Variants in SLC35G2 observed in about 807,000 individuals in gnomAD.
SLC35G2 encodes solute carrier family 35 member G2.
SLC35G2 carries 20 observed loss-of-function variants against 27.2 expected under a neutral mutation model. That is an observed-to-expected ratio of 0.74 (90% CI 0.52 to 1.07). The LOEUF is 1.07. Among genes scored for constraint, SLC35G2 ranks in the 50% least tolerant of loss-of-function variants. The pLI is 0.00. For missense variants in SLC35G2, 416 were observed against 493.3 expected, an observed-to-expected ratio of 0.84 and a Z score of 1.48; for synonymous variants, 148 against 165.3, an observed-to-expected ratio of 0.90 and a Z score of 0.80.
At position 136,855,868 on chromosome 3, in the gene SLC35G2, T is replaced by A; in HGVS notation, c.*169T>A. 1 of 535,428 alleles carries A rather than the reference T, an allele frequency of 1.9e-6. No individual in the cohort carries two copies. Among genetic ancestry groups the A allele is most frequent in the East Asian group, 3.2e-5 (1 of 31,106 alleles). 33.2% of individuals were successfully genotyped at this position (535,428 alleles called of 1,614,324 possible). On this transcript the variant is annotated 3_prime_UTR_variant, in exon 2 of 2. Transcript: ENST00000446465. ...AGTCTAATATATTCAAATACAAATA[T>A]TAAATATATGAAATACGTTATGAAT...
At chr3:136,824,033 C>T (rs1936524522) in intron 1 of SLC35G2, among the ~76,000 whole-genome samples, 1 of 152,056 alleles carries the variant, frequency 6.6e-6, no homozygotes, top group South Asian at 2.1e-4. Context: ...TTTACTGTAG[C>T]TGTATGGATT....
intron 1 of SLC35G2, among the ~76,000 whole-genome samples, chr3:136,824,813 A>G (rs1276446505): frequency 6.6e-6 from 1 of 152,126 alleles, no homozygotes; most frequent in Non-Finnish European, 1.5e-5. Context: ...GGTTTGTTAC[A>G]TAGGTATACA....
At chr3:136,832,952 C>A (rs9880708) in intron 1 of SLC35G2, among the ~76,000 whole-genome samples, 1 of 151,608 alleles carries the variant, frequency 6.6e-6, no homozygotes, top group East Asian at 1.9e-4. Flanking sequence ...GCCTGTAGTC[C>A]CAGCTACTTG....
intron 1 of SLC35G2, among the ~76,000 whole-genome samples, chr3:136,845,753 G>A (rs12491730): frequency 0.68 from 102,653 of 151,170 alleles, 35,099 homozygotes; most frequent in East Asian, 0.87. Flanking sequence ...GCGCCATCAC[G>A]TCTAGCTAAT....
At chr3:136,835,307 C>CTT (rs59937564) in intron 1 of SLC35G2, among the ~76,000 whole-genome samples, 3 of 113,200 alleles carry the variant, frequency 2.7e-5, no homozygotes, top group African/African-American at 9.7e-5. Flanking sequence ...AGGCCTTTTT[C>CTT]TTTTTTTTTT....
At chr3:136,837,099 T>C (rs1936893924) in intron 1 of SLC35G2, among the ~76,000 whole-genome samples, 1 of 152,174 alleles carries the variant, frequency 6.6e-6, no homozygotes, top group African/African-American at 2.4e-5. Flanking sequence ...CATTATGTTT[T>C]TGGTTAGTAA....
intron 1 of SLC35G2, chr3:136,842,487 T>C (rs1414645327): frequency 6.6e-6 from 1 of 152,154 alleles, no homozygotes; most frequent in Non-Finnish European, 1.5e-5. Flanking sequence ...GGGGCCAGTA[T>C]AGAGTTCAAG....
At chr3:136,838,214 G>T (rs1560013590) in intron 1 of SLC35G2, 2 of 145,286 alleles carry the variant, frequency 1.4e-5, no homozygotes, top group Non-Finnish European at 3.0e-5. Flanking sequence ...ACAGAACTTG[G>T]TAAAGTCTCT....
At chr3:136,848,721 T>C (rs542008562) in intron 1 of SLC35G2, among the ~76,000 whole-genome samples, 5 of 152,292 alleles carry the variant, frequency 3.3e-5, no homozygotes, top group African/African-American at 1.2e-4. Flanking sequence ...CAAGCTCTTA[T>C]TAGTGGGAGC....
chr3:136,821,436 A>G (rs916883963), intron 1 of SLC35G2, among the ~76,000 whole-genome samples: 1 of 152,082 alleles, frequency 6.6e-6, no homozygotes, highest in African/African-American at 2.4e-5. Context: ...CATGAGATCT[A>G]TCCTCTGAAC....
intron 1 of SLC35G2, among the ~76,000 whole-genome samples, chr3:136,829,842 G>A (rs1362389256): frequency 1.3e-5 from 2 of 151,978 alleles, no homozygotes; most frequent in African/African-American, 2.4e-5. Context: ...CTGCTTTTAG[G>A]ATCCTTTCTT....
intron 1 of SLC35G2, among the ~76,000 whole-genome samples, chr3:136,836,370 AC>A (rs1184987912): frequency 6.6e-6 from 1 of 151,384 alleles, no homozygotes; most frequent in Non-Finnish European, 1.5e-5. Context: ...TCCTGACCTC[AC>A]AGGCCACCTC....
At chr3:136,837,753 C>A (rs1936914959) in intron 1 of SLC35G2, 1 of 151,940 alleles carries the variant, frequency 6.6e-6, no homozygotes, top group Non-Finnish European at 1.5e-5. Flanking sequence ...TGGTGATGAT[C>A]TTAGGATATA....
chr3:136,844,519 C>T (rs1218262788), intron 1 of SLC35G2, among the ~76,000 whole-genome samples: 2 of 148,618 alleles, frequency 1.3e-5, no homozygotes, highest in African/African-American at 2.5e-5. Context: ...AATTTGTTGA[C>T]TGGGCGTGGT....
intron 1 of SLC35G2, among the ~76,000 whole-genome samples, chr3:136,851,099 GTAC>G (rs1937609860): frequency 6.6e-6 from 1 of 152,156 alleles, no homozygotes; most frequent in Non-Finnish European, 1.5e-5. Flanking sequence ...TAGGTTAGAA[GTAC>G]TACTGCAGAT....
At chr3:136,852,143 G>A (rs766158715) in intron 1 of SLC35G2, among the ~76,000 whole-genome samples, 1 of 152,186 alleles carries the variant, frequency 6.6e-6, no homozygotes, top group Non-Finnish European at 1.5e-5. Context: ...TTCAGTTTGG[G>A]ATTGTTGAAG....
At chr3:136,831,203 C>T (rs1199998201) in intron 1 of SLC35G2, among the ~76,000 whole-genome samples, 1 of 152,176 alleles carries the variant, frequency 6.6e-6, no homozygotes, top group Non-Finnish European at 1.5e-5. Context: ...CAGCTAGATA[C>T]TCACATTGCT....
At chr3:136,824,976 C>T (rs1936549422) in intron 1 of SLC35G2, among the ~76,000 whole-genome samples, 1 of 152,078 alleles carries the variant, frequency 6.6e-6, no homozygotes, top group Admixed American at 6.6e-5. Context: ...TTGTTCAGCT[C>T]CCACCTATGA....
chr3:136,850,893 G>A (rs1311498637), intron 1 of SLC35G2, among the ~76,000 whole-genome samples: 2 of 152,090 alleles, frequency 1.3e-5, no homozygotes, highest in Non-Finnish European at 2.9e-5. Flanking sequence ...GCTGAGGTGG[G>A]AGGATTGCTT....
Sources: gnomAD v4.1 joint callset for allele counts (sites outside exome capture counted in the v4.1 genomes callset) on GRCh38, gnomAD v4.1.1 for gene constraint, MANE v1.5 for transcripts, NCBI Gene and HGNC (gene_info 2026-07-23, HGNC 2026-07-21) for gene names.